SRP54: variants seen among roughly 807,000 people sequenced by gnomAD.
SRP54 encodes the protein signal recognition particle subunit SRP54.
SRP54 carries 10 observed loss-of-function variants against 64.8 expected under a neutral mutation model. The ratio of observed to expected loss-of-function variants is 0.15; its 90% CI spans 0.10 to 0.26. The LOEUF (loss-of-function observed/expected upper bound fraction) is 0.26, where lower values mean the gene tolerates loss of function less well. Among genes scored for constraint, SRP54 ranks in the 10% least tolerant of loss-of-function variants. The pLI is 1.00. For missense variants in SRP54, 325 were observed against 613.7 expected (o/e 0.53, Z 4.97); for synonymous variants, 193 against 185.6 (o/e 1.04, Z -0.32).
intron 5 of SRP54, among the ~76,000 whole-genome samples, chr14:35,007,674 T>TTAAAATATATTTACA (rs2044284772): frequency 1.2e-5 from 1 of 82,772 alleles, no homozygotes; most frequent in African/African-American, 3.8e-5. Flanking sequence ...ATAGATTTTA[T>TTAAAATATATTTACA]TAAAATATAT....
intron 1 of SRP54, among the ~76,000 whole-genome samples, chr14:34,987,990 C>T (rs1415339220): frequency 2.0e-5 from 3 of 152,076 alleles, no homozygotes; most frequent in African/African-American, 7.2e-5. Context: ...TCTTGGGAAA[C>T]CTTGCTTAAA....
intron 1 of SRP54, among the ~76,000 whole-genome samples, chr14:34,983,764 C>G (rs2043847174): frequency 6.6e-6 from 1 of 152,182 alleles, no homozygotes; most frequent in South Asian, 2.1e-4. Flanking sequence ...CTTAATTTAA[C>G]AAAATATATA....
chr14:35,007,020 C>T (rs1219638252), intron 4 of SRP54, among the ~76,000 whole-genome samples: 7 of 152,036 alleles, frequency 4.6e-5, no homozygotes, highest in Non-Finnish European at 1.0e-4. Flanking sequence ...AAGACCCTGT[C>T]TCTACAAAAA....
chr14:35,010,375 G>A (rs954866196), intron 7 of SRP54, among the ~76,000 whole-genome samples: 2 of 152,236 alleles, frequency 1.3e-5, no homozygotes, highest in African/African-American at 4.8e-5. Context: ...GAACCCGGGA[G>A]GCAGAGGTTG....
At position 35,008,754 on chromosome 14, in the gene SRP54, A is replaced by G; in HGVS notation, c.428-20A>G. The G allele has an allele frequency of 1.0e-5, 16 of 1,605,650 alleles. No homozygotes were observed. The highest frequency in any genetic ancestry group is 1.4e-5 in the Non-Finnish European group (16 of 1,177,512). On this transcript the variant is annotated intron_variant, in intron 6 of 15. Coordinates refer to ENST00000216774, the MANE Select transcript of SRP54 (RefSeq NM_003136.4). The stretch of plus-strand genomic sequence containing the variant: ...TTTTTATTTTCAAGTTTGAGGATTC[A>G]TGAACTCTTTATCTTCCAGGGGCTT...
chr14:34,995,090 CCTTTTTTTTT>C (rs1350454701), intron 1 of SRP54, among the ~76,000 whole-genome samples: 1 of 120,944 alleles, frequency 8.3e-6, no homozygotes, highest in African/African-American at 3.3e-5. Context: ...CCTTTTTTTT[CCTTTTTTTTT>C]TTTTCTTGTT....
At chr14:34,988,584 T>TATATATATATAAC (rs1555352775) in intron 1 of SRP54, among the ~76,000 whole-genome samples, 1 of 74,900 alleles carries the variant, frequency 1.3e-5, no homozygotes, top group African/African-American at 4.5e-5. Flanking sequence ...AAAAAATATA[T>TATATATATATAAC]ATATATATAT....
rs150764522 is a variant in SRP54 at position 35,024,415 on chromosome 14, G to A, written c.1327+1335G>A. On this transcript the variant is annotated intron_variant, in intron 14 of 15. Coordinates refer to ENST00000216774, the MANE Select transcript of SRP54 (RefSeq NM_003136.4). ...CATTTCTTTGTACATTTACTGGTTT[G>A]AATTTACTTTGTGAATCACCTCTTC... Among the ~76,000 whole-genome samples, 99 of 152,178 alleles carry A rather than the reference G, an allele frequency of 6.5e-4. 1 individual carries two copies. Among genetic ancestry groups the A allele is most frequent in the Admixed American group, 2.1e-3 (32 of 15,274 alleles).
chr14:35,006,013 G>A (rs2044252018), intron 4 of SRP54, among the ~76,000 whole-genome samples: 1 of 151,890 alleles, frequency 6.6e-6, no homozygotes, highest in Non-Finnish European at 1.5e-5. Flanking sequence ...CTAATTTTTT[G>A]TATTTTTAGC....
intron 1 of SRP54, among the ~76,000 whole-genome samples, chr14:34,988,599 T>TATATATATAACATATATATATATATAAC (rs1555352784): frequency 9.7e-6 from 1 of 103,560 alleles, no homozygotes; most frequent in Non-Finnish European, 2.2e-5. Context: ...ATATATAACA[T>TATATATATAACATATATATATATATAAC]ATATATATAT....
At chr14:34,985,069 G>A (rs756640742) in intron 1 of SRP54, among the ~76,000 whole-genome samples, 3 of 152,104 alleles carry the variant, frequency 2.0e-5, no homozygotes, top group Admixed American at 2.0e-4. Context: ...AATGGCTCAC[G>A]CCTGTAATCC....
chr14:34,987,973 C>CTAT (rs2043923976), intron 1 of SRP54, among the ~76,000 whole-genome samples: 1 of 152,060 alleles, frequency 6.6e-6, no homozygotes, highest in Non-Finnish European at 1.5e-5. Context: ...CCGCCAAAAC[C>CTAT]ATAAATTCTT....
At chr14:35,023,170 C>T (rs2139024446) in intron 14 of SRP54, 90 bp downstream of exon 14, 1 of 1,054,914 alleles carries the variant, frequency 9.5e-7, no homozygotes, top group African/African-American at 1.6e-5. Context: ...AAATTCACAG[C>T]TGAATTTCAT....
intron 4 of SRP54, among the ~76,000 whole-genome samples, chr14:35,002,096 T>C (rs772237693): frequency 1.3e-5 from 2 of 151,928 alleles, no homozygotes; most frequent in African/African-American, 2.4e-5. Context: ...GGCTCACATC[T>C]GTAATCCCAG....
rs1384552218 is a variant in SRP54, at chr14:34,988,578, A to AAAAAAAATAT, written c.-34+5364_-34+5365insAAAAAATATA. Among the ~76,000 whole-genome samples, 269 of 47,074 alleles carry AAAAAAAATAT rather than the reference A, an allele frequency of 5.7e-3. 10 individuals carry two copies. Among genetic ancestry groups the AAAAAAAATAT allele is most frequent in the African/African-American group, 0.012 (185 of 14,908 alleles). The allele number at this position is 47,074 out of a possible 152,430, so 30.9% of individuals were successfully genotyped here. On this transcript the variant is annotated intron_variant, in intron 1 of 15. Transcript: ENST00000216774. ...TCCATCTCAAAAAAAAAAAAAAAAA[A>AAAAAAAATAT]ATATATATATATATATAACATATAT...
chr14:34,986,003 C>T (rs1340292940), intron 1 of SRP54, among the ~76,000 whole-genome samples: 1 of 151,880 alleles, frequency 6.6e-6, no homozygotes, highest in Admixed American at 6.6e-5. Context: ...TTTTGATTTT[C>T]GTTTTAATTT....
intron 7 of SRP54, among the ~76,000 whole-genome samples, chr14:35,010,444 C>T (rs2044338069): frequency 6.6e-6 from 1 of 151,588 alleles, no homozygotes; most frequent in Admixed American, 6.6e-5. Context: ...AAAACTGTGC[C>T]TCAAAATAAA....
chr14:34,995,703 A>G (rs1386325275), intron 1 of SRP54, among the ~76,000 whole-genome samples: 1 of 152,204 alleles, frequency 6.6e-6, no homozygotes, highest in Non-Finnish European at 1.5e-5. Flanking sequence ...AGTCTGTTGC[A>G]TGTGACTATT....
chr14:35,022,926 T>G lies in SRP54; in HGVS notation c.1173T>G (p.Asp391Glu). The G allele has an allele frequency of 1.2e-6, 2 of 1,613,796 alleles. No homozygotes were observed. The highest frequency in any genetic ancestry group is 1.7e-6 in the Non-Finnish European group (2 of 1,179,888). Residue 391 changes from aspartate to glutamate, a missense_variant, in exon 14 of 16, where the codon GAT (aspartate) becomes GAG (glutamate). Asp to Glu is a conservative substitution (Grantham distance 45). Transcript: ENST00000216774. ...SMNDQELDST[D>E]GAKVFSKQPG... is the part of the protein sequence containing the mutation. ...TGTCTACAGAACTAGACAGTACGGA[T>G]GGTGCCAAAGTTTTTAGTAAACAAC...
Sources: gnomAD v4.1 joint callset for allele counts (sites outside exome capture counted in the v4.1 genomes callset) on GRCh38, gnomAD v4.1.1 for gene constraint, MANE v1.5 for transcripts, NCBI Gene and HGNC (gene_info 2026-07-23, HGNC 2026-07-21) for gene names.